The following DUSP16 variants were observed in gnomAD, a reference collection of about 807,000 sequenced individuals.
The protein encoded by DUSP16 is dual specificity protein phosphatase 16.
DUSP16 carries 21 observed loss-of-function variants against 58.3 expected under a neutral mutation model. The observed-to-expected ratio is 0.36, with a 90% confidence interval of 0.26 to 0.52. The LOEUF (loss-of-function observed/expected upper bound fraction) is 0.52, where lower values mean the gene tolerates loss of function less well. Ranked by LOEUF, DUSP16 falls within the 20% of genes least tolerant of loss-of-function variation. The pLI is 0.94. For missense variants in DUSP16, 726 were observed against 819.0 expected (o/e 0.89, Z 1.39); for synonymous variants, 320 against 323.8 (o/e 0.99, Z 0.12).
At chr12:12,554,515 A>C (rs1944779714) in intron 1 of DUSP16, 1 of 152,226 alleles carries the variant, frequency 6.6e-6, no homozygotes, top group Admixed American at 6.5e-5. Context: ...AATGTAAAAA[A>C]AATAACAAAC....
intron 1 of DUSP16, among the ~76,000 whole-genome samples, chr12:12,551,260 G>C (rs748664705): frequency 1.3e-5 from 2 of 151,790 alleles, no homozygotes; most frequent in African/African-American, 2.4e-5. Flanking sequence ...CCAGCACCTC[G>C]GGAAGCCTAG....
intron 1 of DUSP16, among the ~76,000 whole-genome samples, chr12:12,550,091 G>A (rs1378476181): frequency 3.9e-5 from 6 of 152,042 alleles, no homozygotes; most frequent in Admixed American, 6.6e-5. Context: ...TGGCCAACAT[G>A]GTGAAACCCT....
intron 3 of DUSP16, among the ~76,000 whole-genome samples, chr12:12,503,559 G>A (rs746097852): frequency 1.3e-5 from 2 of 151,988 alleles, no homozygotes; most frequent in Non-Finnish European, 2.9e-5. Context: ...TTTGAGCTGC[G>A]GCTGTTTAGC....
At chr12:12,518,448 G>T (rs934535111) in intron 3 of DUSP16, among the ~76,000 whole-genome samples, 1 of 151,888 alleles carries the variant, frequency 6.6e-6, no homozygotes, top group African/African-American at 2.4e-5. Context: ...GGGAAGCAGA[G>T]GTTGCAGCAA....
chr12:12,477,935 T>A lies in DUSP16; in HGVS notation c.896A>T (p.Lys299Met). 1 of 1,614,240 alleles carries A rather than the reference T, an allele frequency of 6.2e-7. No homozygotes were observed. Among genetic ancestry groups the A allele is most frequent in the Non-Finnish European group, 8.5e-7 (1 of 1,180,036 alleles). Residue 299 changes from lysine (K) to methionine (M), a missense_variant, in exon 7 of 7, where the codon AAG becomes ATG. By Grantham distance (95) the Lys-to-Met change is moderately conservative (BLOSUM62 -1). Transcript: ENST00000298573. The surrounding 1 kb of genome is among the most constrained non-coding windows in gnomAD (Gnocchi z 4.1). ...GQLLDYEKKI[K>M]NQTGASGPKS... Reference sequence around the variant, plus strand: ...TGGCCCTGATGCTCCAGTCTGGTTCTTAATCTTCTTCTCATAGTCCAGGAG... The same window carrying A: ...TGGCCCTGATGCTCCAGTCTGGTTCATAATCTTCTTCTCATAGTCCAGGAG...
At chr12:12,502,927 G>A (rs1281108457) in intron 3 of DUSP16, among the ~76,000 whole-genome samples, 1 of 152,078 alleles carries the variant, frequency 6.6e-6, no homozygotes, top group Non-Finnish European at 1.5e-5. Flanking sequence ...CCCCATGCAT[G>A]CACACGTAGA....
At chr12:12,553,212 T>C (rs1437774887) in intron 1 of DUSP16, among the ~76,000 whole-genome samples, 2 of 152,182 alleles carry the variant, frequency 1.3e-5, no homozygotes, top group African/African-American at 4.8e-5. Context: ...TTTAAGAGTA[T>C]AAATGTGTCC....
At chr12:12,487,319 G>A (rs1280788451) in intron 4 of DUSP16, 132 bp from the exon 5 acceptor site, 3 of 1,021,148 alleles carry the variant, frequency 2.9e-6, no homozygotes, top group Non-Finnish European at 4.1e-6. Flanking sequence ...GATCAGTGAA[G>A]TCCAAAAACC....
chr12:12,483,074 G>C (rs1943604630), intron 5 of DUSP16, among the ~76,000 whole-genome samples: 1 of 152,162 alleles, frequency 6.6e-6, no homozygotes, highest in Admixed American at 6.5e-5. Context: ...AGAACGAGAA[G>C]GCAATGATGA....
At chr12:12,532,419 A>G (rs184896335) in intron 1 of DUSP16, among the ~76,000 whole-genome samples, 176 of 152,330 alleles carry the variant, frequency 1.2e-3, no homozygotes, top group African/African-American at 3.9e-3. Context: ...GCTAGGTAAA[A>G]TAGAACCTCA....
chr12:12,540,986 T>C (rs1944550327), intron 1 of DUSP16, among the ~76,000 whole-genome samples: 1 of 135,766 alleles, frequency 7.4e-6, no homozygotes, highest in African/African-American at 2.8e-5. Context: ...GCCAGGAGTC[T>C]CACTCTGATT....
intron 1 of DUSP16, among the ~76,000 whole-genome samples, chr12:12,552,368 C>T (rs1263712204): frequency 2.0e-5 from 3 of 152,022 alleles, no homozygotes; most frequent in Non-Finnish European, 4.4e-5. Context: ...ATCACTTGAA[C>T]CCGGGAGGCA....
At chr12:12,552,588 T>C (rs1365983883) in intron 1 of DUSP16, among the ~76,000 whole-genome samples, 1 of 152,208 alleles carries the variant, frequency 6.6e-6, no homozygotes, top group African/African-American at 2.4e-5. Flanking sequence ...TTTCTTCACG[T>C]ATTTCAACCA....
In DUSP16 at chr12:12,477,565, T is replaced by A. The variant is rs372494052; in HGVS notation, c.1266A>T (p.Ser422=). 3.7e-6 allele frequency: 6 copies of A among 1,613,480 alleles called. No homozygotes were observed. Among genetic ancestry groups the A allele is most frequent in the Non-Finnish European group, 1.7e-6 (2 of 1,179,652 alleles). ...TGTAGTATTCCAAAGCATCTTCTGA[T>A]GAGGAGAAGCCATGTAAGGATGCTG... ...SMAASLHGFS[S]SEDALEYYKP... The change falls in exon 7 of 7, where the codon TCA becomes TCT. Residue 422 remains serine (S), a synonymous_variant. Transcript: ENST00000298573. This position sits in a 1 kb window ranked among gnomAD's most constrained non-coding sequence, Gnocchi z 4.1.
At chr12:12,482,485 A>T in intron 5 of DUSP16, among the ~76,000 whole-genome samples, 1 of 152,166 alleles carries the variant, frequency 6.6e-6, no homozygotes, top group East Asian at 1.9e-4. Flanking sequence ...ACCAGCATGC[A>T]TCTTGGGAGA....
chr12:12,518,863 T>C (rs1489920858), intron 3 of DUSP16, among the ~76,000 whole-genome samples: 1 of 152,200 alleles, frequency 6.6e-6, no homozygotes, highest in Non-Finnish European at 1.5e-5. Flanking sequence ...ACTATCCTTG[T>C]TCTTAGAGAA....
At position 12,477,189 on chromosome 12, in the gene DUSP16, T is replaced by A; in HGVS notation, c.1642A>T (p.Thr548Ser). The change falls in exon 7 of 7, where the codon ACC becomes TCC. Residue 548 changes from threonine to serine, a missense_variant. Transcript: ENST00000298573. The surrounding 1 kb of genome is among the most constrained non-coding windows in gnomAD (Gnocchi z 4.1). ...CTGCTGGTCAGGGAAGGGGTAGAGG[T>A]CTGGGGGGCCAAGATATCCGAGTGC... ...GWHSDILAPQ[T>S]STPSLTSSWY... 1 of 1,614,104 alleles carries A rather than the reference T, an allele frequency of 6.2e-7. No homozygotes were observed. The highest frequency in any genetic ancestry group is 8.5e-7 in the Non-Finnish European group (1 of 1,180,002).
intron 1 of DUSP16, among the ~76,000 whole-genome samples, chr12:12,549,877 T>C (rs1349693587): frequency 6.6e-6 from 1 of 152,166 alleles, no homozygotes; most frequent in Non-Finnish European, 1.5e-5. Flanking sequence ...CACGCTCTGA[T>C]GTTATATGAC....
At chr12:12,540,801 C>T (rs148779884) in intron 1 of DUSP16, among the ~76,000 whole-genome samples, 1 of 152,230 alleles carries the variant, frequency 6.6e-6, no homozygotes, top group African/African-American at 2.4e-5. Flanking sequence ...GGCGACACCA[C>T]CAGCCAGCAA....
Sources: allele counts gnomAD v4.1 joint callset (sites outside exome capture counted in the v4.1 genomes callset), GRCh38; gene constraint gnomAD v4.1.1; non-coding constraint Gnocchi (gnomAD v3.1); transcripts MANE v1.5; gene names NCBI Gene and HGNC (gene_info 2026-07-23, HGNC 2026-07-21).